The following TEX14 variants were observed in gnomAD, a reference collection of about 807,000 sequenced individuals.
TEX14 encodes testis expressed 14, intercellular bridge forming factor.
TEX14 carries 168 observed loss-of-function variants against 178.6 expected under a neutral mutation model. That is an observed-to-expected ratio of 0.94 (90% CI 0.83 to 1.07). The LOEUF (loss-of-function observed/expected upper bound fraction) is 1.07, where lower values mean the gene tolerates loss of function less well. Among genes scored for constraint, TEX14 ranks in the 50% least tolerant of loss-of-function variants. The pLI is 0.00. For synonymous variants in TEX14, 626 were observed against 634.1 expected (o/e 0.99, Z 0.19); for missense variants, 1,730 against 1,753.6 (o/e 0.99, Z 0.24).
chr17:58,642,898 A>G (rs2046607895), intron 2 of TEX14, among the ~76,000 whole-genome samples: 1 of 152,154 alleles, frequency 6.6e-6, no homozygotes, highest in Non-Finnish European at 1.5e-5. Flanking sequence ...CTTGACCTCC[A>G]TAAATAACAC....
intron 3 of TEX14, among the ~76,000 whole-genome samples, chr17:58,624,426 C>T (rs1245136253): frequency 1.4e-5 from 2 of 147,042 alleles, no homozygotes; most frequent in Non-Finnish European, 1.5e-5. Context: ...CTGCAACCTC[C>T]GCCTCCTAGG....
chr17:58,622,965 C>G lies in TEX14; in HGVS notation c.299G>C (p.Gly100Ala), dbSNP rs2046035380. ...STPVHAAAFS[G>A]NQWILSKLLD... ...CAGTTTGCTAAGGATCCACTGATTG[C>G]CCGAAAATGCTGCTGCATGGACAGG... is the stretch of plus-strand genomic sequence containing the variant. The change falls in exon 4 of 32, where the codon GGC becomes GCC. Residue 100 changes from glycine to alanine, a missense_variant. Gly to Ala is a moderately conservative substitution (Grantham distance 60). Transcript: ENST00000349033. 13 of 1,610,826 alleles carry G rather than the reference C, an allele frequency of 8.1e-6. No homozygotes were observed. In the East Asian group the frequency reaches 2.9e-4, roughly 36 times the overall value.
At chr17:58,563,703 C>A (rs2005803) in intron 28 of TEX14, among the ~76,000 whole-genome samples, 3,559 of 15,840 alleles carry the variant, frequency 0.22, 147 homozygotes, top group East Asian at 0.29. Context: ...AGAGAGAGAG[C>A]GCAAGATCAT....
intron 10 of TEX14, among the ~76,000 whole-genome samples, chr17:58,606,742 A>T (rs1264868977): frequency 1.3e-5 from 2 of 151,896 alleles, no homozygotes; most frequent in Non-Finnish European, 2.9e-5. Context: ...TTAAAAAAAA[A>T]AAGGGCCAGG....
chr17:58,640,844 C>T (rs35828828), intron 2 of TEX14, among the ~76,000 whole-genome samples: 28,127 of 151,888 alleles, frequency 0.19, 2,775 homozygotes, highest in Non-Finnish European at 0.21. Flanking sequence ...CTCAGCCTCT[C>T]GAGTAGCTGG....
chr17:58,620,555 G>A (rs1158325940), intron 5 of TEX14, among the ~76,000 whole-genome samples: 2 of 151,852 alleles, frequency 1.3e-5, no homozygotes, highest in Non-Finnish European at 2.9e-5. Context: ...GTGCAGTGGT[G>A]CGATCTCGGC....
intron 15 of TEX14, among the ~76,000 whole-genome samples, 185 bp from the exon 16 acceptor site, chr17:58,588,206 A>G (rs1409171526): frequency 1.3e-5 from 2 of 152,180 alleles, no homozygotes. Flanking sequence ...AATGCCACAA[A>G]TCACAGGTGA....
chr17:58,627,453 T>C (rs887361447), intron 3 of TEX14, among the ~76,000 whole-genome samples: 1 of 152,162 alleles, frequency 6.6e-6, no homozygotes, highest in Non-Finnish European at 1.5e-5. Flanking sequence ...GCGATGTTTA[T>C]ACACCTTGTT....
intron 2 of TEX14, among the ~76,000 whole-genome samples, chr17:58,640,264 C>G (rs2046541733): frequency 6.6e-6 from 1 of 150,776 alleles, no homozygotes. Flanking sequence ...TGAGCCCAGA[C>G]TGAGCCACTC....
chr17:58,598,196 C>T (rs1317170093), intron 14 of TEX14, among the ~76,000 whole-genome samples: 1 of 151,920 alleles, frequency 6.6e-6, no homozygotes, highest in Non-Finnish European at 1.5e-5. Context: ...TGACTGTAAT[C>T]CCACCTGCTA....
chr17:58,681,648 G>T (rs987026040), intron 1 of TEX14, among the ~76,000 whole-genome samples: 4 of 151,872 alleles, frequency 2.6e-5, no homozygotes, highest in African/African-American at 9.7e-5. Flanking sequence ...CCAGGAGTTC[G>T]AGACCAGCCT....
chr17:58,642,241 G>T (rs879601130), intron 2 of TEX14, among the ~76,000 whole-genome samples: 1 of 152,146 alleles, frequency 6.6e-6, no homozygotes, highest in African/African-American at 2.4e-5. Context: ...GAAGCACAGG[G>T]TCACATGGAC....
At chr17:58,630,670 CT>C (rs1177246539) in intron 2 of TEX14, 116 bp from the exon 3 acceptor site, 36 of 656,984 alleles carry the variant, frequency 5.5e-5, no homozygotes, top group Non-Finnish European at 7.6e-5. Context: ...TTGCTGTGAG[CT>C]TTTTTTTAAA....
chr17:58,630,087 G>C (rs1241174132), intron 3 of TEX14, among the ~76,000 whole-genome samples: 4 of 148,372 alleles, frequency 2.7e-5, no homozygotes, highest in Non-Finnish European at 5.9e-5. Flanking sequence ...ACTGAGTCTC[G>C]CTCTTGTTGC....
chr17:58,575,977 G>A (rs1242809823), intron 21 of TEX14, among the ~76,000 whole-genome samples: 3 of 152,108 alleles, frequency 2.0e-5, no homozygotes, highest in African/African-American at 7.2e-5. Flanking sequence ...TGCCTCACAG[G>A]GTTGTTATGT....
intron 17 of TEX14, among the ~76,000 whole-genome samples, chr17:58,587,218 T>G (rs1187238777): frequency 6.6e-6 from 1 of 152,248 alleles, no homozygotes; most frequent in African/African-American, 2.4e-5. Context: ...TTGGTTTTGT[T>G]ATACATCGTT....
intron 1 of TEX14, among the ~76,000 whole-genome samples, chr17:58,664,103 T>G (rs566854587): frequency 8.5e-5 from 13 of 152,308 alleles, no homozygotes; most frequent in Non-Finnish European, 1.6e-4. Flanking sequence ...AATTGCTGAT[T>G]TAGGACAATT....
intron 24 of TEX14, among the ~76,000 whole-genome samples, chr17:58,571,475 T>G (rs944689908): frequency 5.9e-5 from 9 of 151,942 alleles, no homozygotes; most frequent in Admixed American, 5.9e-4. Context: ...TGAAATCAAG[T>G]GATCTGCCCG....
intron 30 of TEX14, 110 bp downstream of exon 30, chr17:58,559,343 C>A: frequency 6.8e-6 from 4 of 587,372 alleles, no homozygotes; most frequent in East Asian, 5.8e-5. Context: ...AATAAATTAT[C>A]AAAGGTAGGA....
Sources: allele counts gnomAD v4.1 joint callset (sites outside exome capture counted in the v4.1 genomes callset), GRCh38; gene constraint gnomAD v4.1.1; transcripts MANE v1.5; gene names NCBI Gene and HGNC (gene_info 2026-07-23, HGNC 2026-07-21).